NOL4: variants seen among roughly 807,000 people sequenced by gnomAD.
The protein encoded by NOL4 is cancer/testis antigen 125.
Under a neutral mutation model 75.9 loss-of-function variants are expected in NOL4, and 17 were observed. The ratio of observed to expected loss-of-function variants is 0.22; its 90% CI spans 0.15 to 0.34. NOL4 has a LOEUF of 0.34. Ranked by LOEUF, NOL4 falls within the 10% of genes least tolerant of loss-of-function variation. NOL4 has a pLI of 1.00. For missense variants in NOL4, 614 were observed against 793.5 expected, an observed-to-expected ratio of 0.77 and a Z score of 2.72; for synonymous variants, 292 against 289.9, an observed-to-expected ratio of 1.01 and a Z score of -0.07.
At chr18:34,034,909 A>G (rs2075818007) in intron 5 of NOL4, among the ~76,000 whole-genome samples, 1 of 152,174 alleles carries the variant, frequency 6.6e-6, no homozygotes, top group African/African-American at 2.4e-5. Flanking sequence ...GGATATAAAC[A>G]TTCTAAATAT....
intron 4 of NOL4, among the ~76,000 whole-genome samples, chr18:34,094,997 A>C (rs1214551429): frequency 6.6e-6 from 1 of 152,170 alleles, no homozygotes; most frequent in Non-Finnish European, 1.5e-5. Flanking sequence ...TTATTAACGA[A>C]CAAGACTATC....
At chr18:33,888,592 T>C (rs1323330426) in intron 9 of NOL4, among the ~76,000 whole-genome samples, 1 of 152,156 alleles carries the variant, frequency 6.6e-6, no homozygotes, top group Non-Finnish European at 1.5e-5. Context: ...AGTTAATTAT[T>C]GTATACTGTG....
chr18:34,216,792 T>C (rs1199260514), intron 1 of NOL4, among the ~76,000 whole-genome samples: 1 of 151,922 alleles, frequency 6.6e-6, no homozygotes, highest in Admixed American at 6.6e-5. Context: ...TAAGTGTAAT[T>C]CAACATCTTA....
intron 5 of NOL4, among the ~76,000 whole-genome samples, chr18:34,048,923 C>T (rs1047043118): frequency 1.3e-5 from 2 of 151,922 alleles, no homozygotes; most frequent in African/African-American, 2.4e-5. Flanking sequence ...AAAACACTAC[C>T]CCCTTTAAAT....
chr18:34,134,447 G>GACAC (rs199707766), intron 1 of NOL4, among the ~76,000 whole-genome samples: 65 of 134,234 alleles, frequency 4.8e-4, no homozygotes, highest in Non-Finnish European at 8.0e-4. Flanking sequence ...GACTCCAAGT[G>GACAC]ACACACACAC....
chr18:34,220,124 C>A (rs1360769578), intron 1 of NOL4, among the ~76,000 whole-genome samples: 2 of 152,100 alleles, frequency 1.3e-5, no homozygotes, highest in South Asian at 2.1e-4. Flanking sequence ...AAGAGTAGAA[C>A]CAAGCTTCTT....
At chr18:33,890,740 A>G (rs1175786617) in intron 9 of NOL4, among the ~76,000 whole-genome samples, 1 of 152,148 alleles carries the variant, frequency 6.6e-6, no homozygotes, top group African/African-American at 2.4e-5. Flanking sequence ...TTAGACATTA[A>G]AAATGATATT....
chr18:33,922,635 T>C (rs1272879459), intron 9 of NOL4, among the ~76,000 whole-genome samples: 1 of 152,188 alleles, frequency 6.6e-6, no homozygotes, highest in Non-Finnish European at 1.5e-5. Flanking sequence ...GGGAAAAATA[T>C]ACAAGAGCAT....
Position 33,958,336 on chromosome 18 carries a change from C to CTTT in NOL4, c.1138_1139insAAA (p.Asn379_Arg380insLys). ...GTGGTCATCTTCGTCCTCATCTCCC[C>CTTT]TGTTTAGTGAGAGGTCCTCAGCTCC... is the stretch of plus-strand genomic sequence containing the variant. On this transcript the variant is annotated inframe_insertion, in exon 7 of 11. Coordinates refer to ENST00000261592, the MANE Select transcript of NOL4 (RefSeq NM_003787.5). 1 of 1,612,994 alleles carries CTTT rather than the reference C, an allele frequency of 6.2e-7. No individual in the cohort carries two copies. The highest frequency in any genetic ancestry group is 1.1e-5 in the South Asian group (1 of 90,928).
chr18:34,030,950 G>C (rs886528447), intron 5 of NOL4, among the ~76,000 whole-genome samples: 1 of 151,996 alleles, frequency 6.6e-6, no homozygotes, highest in African/African-American at 2.4e-5. Flanking sequence ...AGAAGATTAA[G>C]GTTGACAATA....
Position 34,105,062 on chromosome 18 carries a change from T to C in NOL4, c.513A>G (p.Gly171=). 6.2e-7 allele frequency: 1 copy of C among 1,605,774 alleles called. No homozygotes were observed. Among genetic ancestry groups the C allele is most frequent in the Non-Finnish European group, 8.5e-7 (1 of 1,172,804 alleles). The change falls in exon 3 of 11, where the codon GGA becomes GGG. Residue 171 remains glycine (G), a synonymous_variant. Transcript: ENST00000261592. ...CQKRMHLNPD[G]TDHKDNGKPP... is the part of the protein sequence containing the mutation. Reference sequence around the variant, plus strand: ...CACTGCAGCTACCTTTATGATCTGTTCCATCTGGGTTTAAATGCATTCTTT... The same window carrying C: ...CACTGCAGCTACCTTTATGATCTGTCCCATCTGGGTTTAAATGCATTCTTT...
chr18:34,032,227 G>T (rs953396220), intron 5 of NOL4, among the ~76,000 whole-genome samples: 1 of 152,186 alleles, frequency 6.6e-6, no homozygotes, highest in Non-Finnish European at 1.5e-5. Context: ...ACCAGGCTAG[G>T]CTGCTGCCAC....
chr18:33,913,291 C>A (rs868248712), intron 9 of NOL4, among the ~76,000 whole-genome samples: 1 of 152,104 alleles, frequency 6.6e-6, no homozygotes, highest in South Asian at 2.1e-4. Flanking sequence ...CCTACCAATA[C>A]ATTATCTGTC....
At chr18:34,016,091 A>ATGGCACTCCCAGGAGTT (rs2074676740) in intron 6 of NOL4, among the ~76,000 whole-genome samples, 1 of 152,096 alleles carries the variant, frequency 6.6e-6, no homozygotes, top group African/African-American at 2.4e-5. Flanking sequence ...GGCTATGTGA[A>ATGGCACTCCCAGGAGTT]TGGCACTCCC....
At chr18:34,006,494 G>C (rs937248383) in intron 6 of NOL4, among the ~76,000 whole-genome samples, 2 of 151,970 alleles carry the variant, frequency 1.3e-5, no homozygotes, top group Non-Finnish European at 2.9e-5. Context: ...TCATCCCCTG[G>C]GGTAACCAGC....
intron 6 of NOL4, among the ~76,000 whole-genome samples, chr18:34,009,020 G>T (rs75314459): frequency 0.02 from 3,025 of 151,836 alleles, 51 homozygotes; most frequent in Non-Finnish European, 0.027. Context: ...CTGCCATCTT[G>T]CCCTCATTCC....
chr18:34,069,525 C>T (rs1416828230), intron 5 of NOL4, among the ~76,000 whole-genome samples: 1 of 151,792 alleles, frequency 6.6e-6, no homozygotes, highest in African/African-American at 2.4e-5. Flanking sequence ...TGAAAAATAT[C>T]AACCCATAGA....
chr18:34,131,603 T>A (rs1238087068), intron 1 of NOL4, among the ~76,000 whole-genome samples: 1 of 152,068 alleles, frequency 6.6e-6, no homozygotes. Context: ...GTTCCTTTGC[T>A]GGAAAAACAA....
At chr18:33,985,142 T>C (rs2072330081) in intron 6 of NOL4, among the ~76,000 whole-genome samples, 1 of 152,112 alleles carries the variant, frequency 6.6e-6, no homozygotes, top group Admixed American at 6.6e-5. Flanking sequence ...GATGATATAA[T>C]GCATCAAATG....
Sources: allele counts gnomAD v4.1 joint callset (sites outside exome capture counted in the v4.1 genomes callset), GRCh38; gene constraint gnomAD v4.1.1; transcripts MANE v1.5; gene names NCBI Gene and HGNC (gene_info 2026-07-23, HGNC 2026-07-21).